MCTP2: variants seen among roughly 807,000 people sequenced by gnomAD.
MCTP2 encodes the protein multiple C2 and transmembrane domain-containing protein 2.
Under a neutral mutation model 111.6 loss-of-function variants are expected in MCTP2, and 132 were observed. The observed-to-expected ratio is 1.18, with a 90% CI of 1.03 to 1.37. The LOEUF is 1.37. Among genes scored for constraint, MCTP2 ranks in the 40% most tolerant of loss-of-function variants. MCTP2 has a pLI of 0.00. For missense variants in MCTP2, 1,183 were observed against 1,067.9 expected, an observed-to-expected ratio of 1.11 and a Z score of -1.50; for synonymous variants, 395 against 387.7, an observed-to-expected ratio of 1.02 and a Z score of -0.22.
chr15:94,362,881 A>G (rs1490340523), intron 10 of MCTP2, among the ~76,000 whole-genome samples: 1 of 152,218 alleles, frequency 6.6e-6, no homozygotes, highest in Non-Finnish European at 1.5e-5. Flanking sequence ...GAGGTCAGAA[A>G]CAATGCTAAA....
chr15:94,250,571 T>C (rs4984377), intron 1 of MCTP2, among the ~76,000 whole-genome samples: 65,569 of 152,100 alleles, frequency 0.43, 14,456 homozygotes, highest in Middle Eastern at 0.57. Flanking sequence ...AAAATTTAGC[T>C]AAATGAATTT....
chr15:94,440,159 A>C lies in MCTP2; in HGVS notation c.2086-17A>C, dbSNP rs762498473. ...TTTTATCAAGCAGTCGTGTATTCTT[A>C]TTTGTCTTTCAATCAGGTATTTTTG... On this transcript the variant is annotated splice_polypyrimidine_tract_variant and intron_variant, in intron 17 of 22. Transcript: ENST00000357742. 3.7e-5 allele frequency: 60 copies of C among 1,612,906 alleles called. No homozygotes were observed. The highest frequency in any genetic ancestry group is 1.4e-5 in the Non-Finnish European group (16 of 1,179,606).
At chr15:94,294,941 C>CTTTTTTTTTTTTTT (rs71133001) in intron 1 of MCTP2, among the ~76,000 whole-genome samples, 1 of 73,988 alleles carries the variant, frequency 1.4e-5, no homozygotes, top group African/African-American at 5.7e-5. Flanking sequence ...TTTTCTTTTC[C>CTTTTTTTTTTTTTT]TTTTTTTTTT....
intron 4 of MCTP2, among the ~76,000 whole-genome samples, chr15:94,336,691 A>ATG (rs1001185882): frequency 2.0e-5 from 3 of 150,830 alleles, no homozygotes; most frequent in East Asian, 1.9e-4. Flanking sequence ...ATATATATAT[A>ATG]TATGTATGTA....
At chr15:94,386,498 G>A (rs559498790) in intron 14 of MCTP2, among the ~76,000 whole-genome samples, 11 of 152,256 alleles carry the variant, frequency 7.2e-5, no homozygotes, top group African/African-American at 2.6e-4. Context: ...ATTTCTCCCC[G>A]AGTTCTCATA....
rs142055995 is a variant in MCTP2, at chr15:94,438,621, C to T, written c.2086-1555C>T. Among the ~76,000 whole-genome samples, 333 of 152,194 alleles carry T rather than the reference C, an allele frequency of 2.2e-3. 1 individual carries two copies. Among genetic ancestry groups the T allele is most frequent in the African/African-American group, 7.2e-3 (300 of 41,546 alleles). On this transcript the variant is annotated intron_variant, in intron 17 of 22. Coordinates refer to ENST00000357742, the MANE Select transcript of MCTP2 (RefSeq NM_001385001.1). ...CATCCTTATCTCAGAAGATACTGAA[C>T]GAACGGTTGGTTAGCTACCAACCAT...
intron 12 of MCTP2, among the ~76,000 whole-genome samples, chr15:94,377,905 G>A (rs1343564326): frequency 1.3e-5 from 2 of 152,100 alleles, no homozygotes; most frequent in Admixed American, 1.3e-4. Context: ...CAATGTTCCA[G>A]GGCCCGCCCA....
chr15:94,459,005 T>A (rs1431926773), intron 20 of MCTP2, among the ~76,000 whole-genome samples: 2 of 140,218 alleles, frequency 1.4e-5, no homozygotes, highest in African/African-American at 2.7e-5. Context: ...GGAACTCCAG[T>A]TAAGAAAGAC....
chr15:94,397,518 G>A (rs776993108), intron 14 of MCTP2, among the ~76,000 whole-genome samples: 12 of 152,174 alleles, frequency 7.9e-5, no homozygotes, highest in African/African-American at 1.9e-4. Context: ...GTATCAAGGC[G>A]GAAGCTCAGA....
chr15:94,402,653 C>T (rs68179993), intron 17 of MCTP2: 170,892 of 1,536,072 alleles, frequency 0.11, 10,600 homozygotes, highest in Non-Finnish European at 0.12. Context: ...GACTTCACAG[C>T]TGGCCTCATG....
chr15:94,412,743 A>G (rs1009397506), intron 17 of MCTP2, among the ~76,000 whole-genome samples: 2 of 152,130 alleles, frequency 1.3e-5, no homozygotes, highest in African/African-American at 4.8e-5. Flanking sequence ...TAAGCTAGGT[A>G]CATGCAATTA....
intron 12 of MCTP2, among the ~76,000 whole-genome samples, chr15:94,380,393 C>T (rs1386190130): frequency 1.3e-5 from 2 of 152,134 alleles, no homozygotes; most frequent in Admixed American, 6.5e-5. Flanking sequence ...GAGTCCCTTG[C>T]AGATAATTGC....
At chr15:94,412,535 A>G (rs1246257827) in intron 17 of MCTP2, among the ~76,000 whole-genome samples, 7 of 152,154 alleles carry the variant, frequency 4.6e-5, no homozygotes, top group South Asian at 2.1e-4. Flanking sequence ...GACAAGGATG[A>G]TGATGATGAT....
rs2082707952 is a variant in MCTP2, at chr15:94,423,157, G to A, written c.2086-17019G>A. Reference sequence around the variant, plus strand: ...GCCTAACAAACTTTGTCTTCCAAGTGATTTTCTTCTCGATTATACCTCTGT... The same window carrying A: ...GCCTAACAAACTTTGTCTTCCAAGTAATTTTCTTCTCGATTATACCTCTGT... On this transcript the variant is annotated intron_variant, in intron 17 of 22. Transcript: ENST00000357742. Among the ~76,000 whole-genome samples, 6 of 152,124 alleles carry A rather than the reference G, an allele frequency of 3.9e-5. No individual in the cohort carries two copies. The South Asian group carries it at 1.0e-3, about 26-fold the overall frequency.
rs114512411 is a variant in MCTP2, at chr15:94,364,913, A to G, written c.1302-2692A>G. Among the ~76,000 whole-genome samples, 798 of 152,296 alleles carry G rather than the reference A, an allele frequency of 5.2e-3. 9 individuals are homozygous for G. The highest frequency in any genetic ancestry group is 0.018 in the African/African-American group (743 of 41,568). Reference sequence around the variant, plus strand: ...ATATGAGGCCTGAAGAAGGTTTTGTATGAAATACATTTTTTCTGTCTCCCG... The same window carrying G: ...ATATGAGGCCTGAAGAAGGTTTTGTGTGAAATACATTTTTTCTGTCTCCCG... On this transcript the variant is annotated intron_variant, in intron 10 of 22. Transcript: ENST00000357742.
intron 2 of MCTP2, among the ~76,000 whole-genome samples, chr15:94,302,133 G>T (rs963008675): frequency 6.6e-6 from 1 of 152,142 alleles, no homozygotes; most frequent in Non-Finnish European, 1.5e-5. Context: ...GTGGCCTGAG[G>T]GATCCCTAGG....
intron 20 of MCTP2, among the ~76,000 whole-genome samples, chr15:94,459,376 T>TAA (rs1447671222): frequency 6.6e-6 from 1 of 152,198 alleles, no homozygotes; most frequent in Admixed American, 6.5e-5. Context: ...CATGCAACTT[T>TAA]ATGTAAATAC....
intron 1 of MCTP2, among the ~76,000 whole-genome samples, chr15:94,234,588 A>G (rs2070410150): frequency 6.6e-6 from 1 of 152,064 alleles, no homozygotes; most frequent in African/African-American, 2.4e-5. Flanking sequence ...CTGAGCAGAG[A>G]AGAGACTGCT....
intron 4 of MCTP2, among the ~76,000 whole-genome samples, chr15:94,319,986 C>G (rs916565319): frequency 1.3e-5 from 2 of 152,104 alleles, no homozygotes; most frequent in African/African-American, 4.8e-5. Flanking sequence ...CCTATGCAGT[C>G]TTTTATGTTT....
Sources: allele counts gnomAD v4.1 joint callset (sites outside exome capture counted in the v4.1 genomes callset), GRCh38; gene constraint gnomAD v4.1.1; transcripts MANE v1.5; gene names NCBI Gene and HGNC (gene_info 2026-07-23, HGNC 2026-07-21).